Variants in CSMD1 observed in about 807,000 individuals in gnomAD.
CSMD1 encodes CUB and sushi domain-containing protein 1.
Under a neutral mutation model 417.5 loss-of-function variants are expected in CSMD1, and 213 were observed. The observed-to-expected ratio is 0.51, with a 90% confidence interval of 0.46 to 0.57. The LOEUF is 0.57. Among genes scored for constraint, CSMD1 ranks in the 20% least tolerant of loss-of-function variants. The pLI is 0.00. For synonymous variants in CSMD1, 2,862 were observed against 1,736.8 expected (o/e 1.65, Z -16.11); for missense variants, 6,923 against 4,529.7 (o/e 1.53, Z -15.17).
intron 7 of CSMD1, among the ~76,000 whole-genome samples, chr8:3,624,240 G>C (rs770435223): frequency 2.0e-5 from 3 of 152,066 alleles, no homozygotes; most frequent in East Asian, 3.9e-4. Context: ...TTTCAACCAC[G>C]AGTCTTTAGT....
intron 5 of CSMD1, among the ~76,000 whole-genome samples, chr8:3,786,296 G>C (rs973996092): frequency 6.6e-6 from 1 of 152,160 alleles, no homozygotes; most frequent in Non-Finnish European, 1.5e-5. Context: ...GAAGAGACCT[G>C]AGGGTGGAGA....
chr8:3,245,545 C>T (rs117027487), intron 26 of CSMD1, among the ~76,000 whole-genome samples: 3 of 152,332 alleles, frequency 2.0e-5, no homozygotes, highest in Non-Finnish European at 4.4e-5. Flanking sequence ...TCCTTAGGAT[C>T]TGAGGCCATC....
At chr8:3,168,880 C>A (rs1462910420) in intron 37 of CSMD1, among the ~76,000 whole-genome samples, 2 of 151,982 alleles carry the variant, frequency 1.3e-5, no homozygotes, top group African/African-American at 2.4e-5. Flanking sequence ...TGTCTGGTGA[C>A]AAGGGAAGTG....
chr8:3,354,917 G>GTCTATCTATATA (rs1808670476), intron 21 of CSMD1, among the ~76,000 whole-genome samples: 2 of 142,066 alleles, frequency 1.4e-5, no homozygotes, highest in Non-Finnish European at 3.0e-5. Context: ...CTATAGATAT[G>GTCTATCTATATA]TCTATCTATA....
chr8:4,596,053 C>G lies in CSMD1; in HGVS notation c.302+41289G>C, dbSNP rs185220080. 2.4e-3 allele frequency among the ~76,000 whole-genome samples: 368 copies of G among 152,264 alleles called. 5 individuals carry two copies. Among genetic ancestry groups the G allele is most frequent in the Non-Finnish European group, 7.5e-4 (51 of 68,028 alleles). ...GTTTGCCACACTGCCCACAGCATGG[C>G]CCAACCTTGCTCCTTTCTCTCAAGG... is the stretch of plus-strand genomic sequence containing the variant. On this transcript the variant is annotated intron_variant, in intron 2 of 69. Transcript: ENST00000635120.
At chr8:3,741,723 C>T (rs955102352) in intron 6 of CSMD1, among the ~76,000 whole-genome samples, 1 of 152,002 alleles carries the variant, frequency 6.6e-6, no homozygotes, top group East Asian at 2.0e-4. Flanking sequence ...AGTGCGCATT[C>T]TTACTGAGAA....
chr8:3,054,662 T>A (rs1812094573), intron 49 of CSMD1, among the ~76,000 whole-genome samples: 1 of 152,138 alleles, frequency 6.6e-6, no homozygotes, highest in Admixed American at 6.6e-5. Flanking sequence ...TGCACATGCA[T>A]ATTTACATGT....
chr8:4,011,669 T>G (rs1816546353), intron 4 of CSMD1, among the ~76,000 whole-genome samples: 2 of 152,282 alleles, frequency 1.3e-5, no homozygotes, highest in Admixed American at 1.3e-4. Context: ...CTTCCTAAAT[T>G]TTTAAACTAC....
At chr8:3,483,396 G>A (rs900057044) in intron 11 of CSMD1, among the ~76,000 whole-genome samples, 1 of 151,902 alleles carries the variant, frequency 6.6e-6, no homozygotes, top group Non-Finnish European at 1.5e-5. Flanking sequence ...GATATAAACT[G>A]ATTTGTCAAA....
chr8:4,483,455 G>A (rs1377220104), intron 2 of CSMD1, among the ~76,000 whole-genome samples: 2 of 152,106 alleles, frequency 1.3e-5, no homozygotes, highest in African/African-American at 2.4e-5. Flanking sequence ...AAACCCCAAT[G>A]CTTTAATATA....
chr8:4,522,517 T>C (rs999502136), intron 2 of CSMD1, among the ~76,000 whole-genome samples: 12 of 152,352 alleles, frequency 7.9e-5, no homozygotes, highest in Admixed American at 6.5e-4. Context: ...ATCTGAGGTA[T>C]CTTTTTAAAT....
chr8:2,985,642 C>T (rs1393977529), intron 54 of CSMD1, among the ~76,000 whole-genome samples: 1 of 152,168 alleles, frequency 6.6e-6, no homozygotes, highest in Non-Finnish European at 1.5e-5. Context: ...TTAAAGGGCA[C>T]TGTTCAAACA....
chr8:4,013,935 C>T (rs753789041), intron 4 of CSMD1, among the ~76,000 whole-genome samples: 1 of 152,096 alleles, frequency 6.6e-6, no homozygotes, highest in Non-Finnish European at 1.5e-5. Context: ...TTTACCAGCC[C>T]TGATTGATAA....
chr8:4,969,172 G>A (rs1354095196), intron 1 of CSMD1, among the ~76,000 whole-genome samples: 5 of 152,152 alleles, frequency 3.3e-5, no homozygotes, highest in Middle Eastern at 3.4e-3. Flanking sequence ...ATGGGATTGC[G>A]TGTGTGCGTG....
chr8:3,409,460 C>A lies in CSMD1; in HGVS notation c.1707G>T (p.Gln569His). ...LVGERVITCQ[Q>H]NNQWSGNKPS... is the part of the protein sequence containing the mutation. ...GCTTGTTGCCAGACCACTGATTGTT[C>A]TGCTGACAGGTGATAACTCTCTCCC... Residue 569 changes from glutamine (Q) to histidine (H), a missense_variant, in exon 13 of 70, where the codon CAG becomes CAT. Gln to His is a conservative substitution (Grantham distance 24). Coordinates refer to ENST00000635120, the MANE Select transcript of CSMD1 (RefSeq NM_033225.6). 6.2e-7 allele frequency: 1 copy of A among 1,611,510 alleles called. No homozygotes were observed. Among genetic ancestry groups the A allele is most frequent in the Non-Finnish European group, 8.5e-7 (1 of 1,178,960 alleles).
chr8:4,131,358 C>T (rs186782757), intron 3 of CSMD1, among the ~76,000 whole-genome samples: 93 of 152,240 alleles, frequency 6.1e-4, no homozygotes, highest in Non-Finnish European at 4.7e-4. Context: ...CACCTACACG[C>T]TCCTCAAAAT....
rs1342831139 is a variant in CSMD1 at position 4,994,587 on chromosome 8, C to T, written c.-171G>A. The stretch of plus-strand genomic sequence containing the variant: ...GAAGGTCTGGGCGCCCGGCTCGCTT[C>T]CCTCTCATAGCATCGGGTCCCGAGC... On this transcript the variant is annotated 5_prime_UTR_variant, in exon 1 of 70. Coordinates refer to ENST00000635120, the MANE Select transcript of CSMD1 (RefSeq NM_033225.6). 1 of 626,114 alleles carries T rather than the reference C, an allele frequency of 1.6e-6. No homozygotes were observed. Among genetic ancestry groups the T allele is most frequent in the Non-Finnish European group, 2.9e-6 (1 of 348,898 alleles). The allele number at this position is 626,114 out of a possible 1,614,324, so 38.8% of individuals were successfully genotyped here. A position where few individuals can be genotyped will look rare whatever the true frequency, so the allele number is the denominator to read the frequency against.
At chr8:4,245,495 G>T in intron 3 of CSMD1, among the ~76,000 whole-genome samples, 1 of 152,154 alleles carries the variant, frequency 6.6e-6, no homozygotes, top group East Asian at 1.9e-4. Context: ...TTCATGAAGA[G>T]CCTAAGGTTG....
chr8:4,726,679 G>T (rs148508766), intron 1 of CSMD1, among the ~76,000 whole-genome samples: 1 of 152,248 alleles, frequency 6.6e-6, no homozygotes, highest in African/African-American at 2.4e-5. Context: ...CTCTGCTGCT[G>T]TCCTATTTCA....
Sources: gnomAD v4.1 joint callset for allele counts (sites outside exome capture counted in the v4.1 genomes callset) on GRCh38, gnomAD v4.1.1 for gene constraint, MANE v1.5 for transcripts, NCBI Gene and HGNC (gene_info 2026-07-23, HGNC 2026-07-21) for gene names.